Variants in ECE1 observed in about 807,000 individuals in gnomAD.
The protein encoded by ECE1 is endothelin converting enzyme 1.
In ECE1, 35 loss-of-function variants were observed where a neutral mutation model predicts 98.6. The ratio of observed to expected loss-of-function variants is 0.35; its 90% confidence interval spans 0.27 to 0.47. The LOEUF (loss-of-function observed/expected upper bound fraction) is 0.47, where lower values mean the gene tolerates loss of function less well. ECE1 is among the 20% of genes least tolerant of loss of function. The pLI is 1.00. For missense variants in ECE1, 814 were observed against 1,025.3 expected (o/e 0.79, Z 2.81); for synonymous variants, 394 against 407.1 (o/e 0.97, Z 0.39).
rs201715054 is a variant in ECE1 at position 21,221,816 on chromosome 1, G to A, written c.2067C>T (p.Asn689=). Residue 689 remains asparagine (N), a synonymous_variant, in exon 18 of 19, where the codon AAC becomes AAT. Transcript: ENST00000374893. ...GGGTGGGGAGCGAGTGCTCAGCCCC[G>A]TTCTTCTTCACCCAGTTCTGGTAAG... ...YRAYQNWVKK[N]GAEHSLPTLG... is the part of the protein sequence containing the mutation. The A allele has an allele frequency of 3.4e-5, 55 of 1,614,080 alleles. No individual in the cohort carries two copies. Among genetic ancestry groups the A allele is most frequent in the Non-Finnish European group, 4.1e-5 (48 of 1,180,038 alleles).
chr1:21,320,949 C>T (rs903319618), intron 1 of ECE1, among the ~76,000 whole-genome samples: 1 of 152,220 alleles, frequency 6.6e-6, no homozygotes, highest in Non-Finnish European at 1.5e-5. Context: ...GATCCTGCTG[C>T]TGCAGAACCT....
rs2103408864 is a variant in ECE1 at position 21,327,554 on chromosome 1, C to G, written c.3+17822G>C. Among the ~76,000 whole-genome samples the G allele has an allele frequency of 6.6e-6, 1 of 152,338 alleles. No individual in the cohort carries two copies. The highest frequency in any genetic ancestry group is 2.1e-4 in the South Asian group (1 of 4,830). The stretch of plus-strand genomic sequence containing the variant: ...GACACCCCTTCGAGAACCGGGAGAC[C>G]TCCACCCTGCTTGTTACACATTTTT... On this transcript the variant is annotated intron_variant, in intron 1 of 18. Coordinates refer to the ECE1 transcript ENST00000415912. This position sits in a 1 kb window ranked among gnomAD's most constrained non-coding sequence, Gnocchi z 4.6.
chr1:21,305,779 G>A (rs1165507086), intron 1 of ECE1, among the ~76,000 whole-genome samples: 4 of 152,296 alleles, frequency 2.6e-5, no homozygotes, highest in East Asian at 3.9e-4. Flanking sequence ...AAAAATCTAC[G>A]TTCGCCCCCA....
At chr1:21,298,740 T>C in intron 1 of ECE1, 1 of 456,272 alleles carries the variant, frequency 2.2e-6, no homozygotes, top group Non-Finnish European at 4.4e-6. Context: ...CAGCAAAGCC[T>C]GGATTTGAAC....
upstream of ECE1, among the ~76,000 whole-genome samples, chr1:21,295,157 T>G (rs1351632961): frequency 6.6e-6 from 1 of 152,196 alleles, no homozygotes; most frequent in Non-Finnish European, 1.5e-5. Flanking sequence ...ATGAGGAGGA[T>G]GATGATAACA....
In ECE1 at chr1:21,319,844, G is replaced by A. The variant is rs1169988862; in HGVS notation, c.3+25532C>T. Among the ~76,000 whole-genome samples, 1 of 152,112 alleles carries A rather than the reference G, an allele frequency of 6.6e-6. No homozygotes were observed. Among genetic ancestry groups the A allele is most frequent in the Non-Finnish European group, 1.5e-5 (1 of 68,018 alleles). ...CACACGCGGTCCCATGGCTTCTAGT[G>A]CCAGCCCCCACACACCACTCGCCAC... On this transcript the variant is annotated intron_variant, in intron 1 of 18. Coordinates refer to the ECE1 transcript ENST00000415912. The surrounding 1 kb of genome is among the most constrained non-coding windows in gnomAD (Gnocchi z 4.4).
chr1:21,322,484 G>A lies in ECE1; in HGVS notation c.3+22892C>T, dbSNP rs1305209269. 6.6e-6 allele frequency among the ~76,000 whole-genome samples: 1 copy of A among 152,222 alleles called. No homozygotes were observed. The highest frequency in any genetic ancestry group is 2.4e-5 in the African/African-American group (1 of 41,458). On this transcript the variant is annotated intron_variant, in intron 1 of 18. Coordinates refer to the ECE1 transcript ENST00000415912. The surrounding 1 kb of genome is among the most constrained non-coding windows in gnomAD (Gnocchi z 4.1). Reference sequence around the variant, plus strand: ...GAGAGCAACCAGCCCTTCTCACCTGGCCAGTGCAAGGCGCAGGCTGAGGCA... The same window carrying A: ...GAGAGCAACCAGCCCTTCTCACCTGACCAGTGCAAGGCGCAGGCTGAGGCA...
rs1335506451 is a variant in ECE1 at position 21,225,143 on chromosome 1, G to T, written c.2040+107C>A. On this transcript the variant is annotated intron_variant, in intron 17 of 18. Transcript: ENST00000374893. The surrounding 1 kb of genome is among the most constrained non-coding windows in gnomAD (Gnocchi z 5.3). The stretch of plus-strand genomic sequence containing the variant: ...TTCGCAGAAGAGGAAACGGAAGCTC[G>T]CACGGCTGCTGCGCCTGCCCTGGTT... The T allele has an allele frequency of 3.5e-6, 5 of 1,444,028 alleles. No homozygotes were observed. Among genetic ancestry groups the T allele is most frequent in the Admixed American group, 3.7e-5 (2 of 54,072 alleles). The allele number at this position is 1,444,028 out of a possible 1,614,324, so 89.5% of individuals were successfully genotyped here.
chr1:21,270,543 T>C (rs2098239084), intron 4 of ECE1, among the ~76,000 whole-genome samples: 1 of 152,226 alleles, frequency 6.6e-6, no homozygotes, highest in Non-Finnish European at 1.5e-5. Context: ...TTTCCTCATC[T>C]ACCAACAGAG....
intron 1 of ECE1, among the ~76,000 whole-genome samples, chr1:21,301,216 C>T (rs1384899066): frequency 2.0e-5 from 3 of 152,130 alleles, no homozygotes; most frequent in Non-Finnish European, 2.9e-5. Flanking sequence ...ATTCATGGGC[C>T]GGGCGCGGTG....
At chr1:21,334,335 A>G (rs1398955339) in intron 1 of ECE1, among the ~76,000 whole-genome samples, 1 of 152,206 alleles carries the variant, frequency 6.6e-6, no homozygotes, top group Non-Finnish European at 1.5e-5. Flanking sequence ...GCCCAACAGG[A>G]TGCCGAGTAA....
Position 21,260,532 on chromosome 1 carries a change from A to C in ECE1, c.494-140T>G. On this transcript the variant is annotated intron_variant, in intron 4 of 18. Coordinates refer to ENST00000374893, the MANE Select transcript of ECE1 (RefSeq NM_001397.3). The surrounding 1 kb of genome is among the most constrained non-coding windows in gnomAD (Gnocchi z 4.3). ...TCTGCCTGTCGGAGTGGCAGTGAGGAATGCCGTCACCGTGAGTATGTGAGG... is the reference window on the plus strand; with the variant it reads ...TCTGCCTGTCGGAGTGGCAGTGAGGCATGCCGTCACCGTGAGTATGTGAGG... The C allele has an allele frequency of 8.7e-7, 1 of 1,152,552 alleles. No homozygotes were observed. Among genetic ancestry groups the C allele is most frequent in the Non-Finnish European group, 1.3e-6 (1 of 777,218 alleles). The allele number at this position is 1,152,552 out of a possible 1,614,324, so 71.4% of individuals were successfully genotyped here.
intron 1 of ECE1, among the ~76,000 whole-genome samples, chr1:21,309,842 A>G (rs1638679270): frequency 7.2e-6 from 1 of 139,482 alleles, no homozygotes; most frequent in Admixed American, 7.7e-5. Flanking sequence ...CCCAGGCTAG[A>G]GTGTAGTGGC....
rs975904403 is a variant in ECE1 at position 21,322,389 on chromosome 1, G to A, written c.3+22987C>T. On this transcript the variant is annotated intron_variant, in intron 1 of 18. Transcript: ENST00000415912. This position sits in a 1 kb window ranked among gnomAD's most constrained non-coding sequence, Gnocchi z 4.1. ...CTTGTGGAGGACTTGGTAGCCCTTA[G>A]CCCAGCAGACGCCCAGGCAGCCTGG... is the stretch of plus-strand genomic sequence containing the variant. Among the ~76,000 whole-genome samples the A allele has an allele frequency of 2.0e-5, 3 of 152,200 alleles. No individual in the cohort carries two copies. Among genetic ancestry groups the A allele is most frequent in the African/African-American group, 4.8e-5 (2 of 41,450 alleles).
chr1:21,295,152 G>A (rs896082646), upstream of ECE1, among the ~76,000 whole-genome samples: 1 of 152,186 alleles, frequency 6.6e-6, no homozygotes, highest in Non-Finnish European at 1.5e-5. Flanking sequence ...GTCAAATGAG[G>A]AGGATGATGA....
chr1:21,242,800 G>A (rs2098198169), intron 10 of ECE1, among the ~76,000 whole-genome samples: 1 of 152,154 alleles, frequency 6.6e-6, no homozygotes, highest in Non-Finnish European at 1.5e-5. Context: ...AAAAAGTGAT[G>A]GGGTCTTGCT....
chr1:21,252,090 C>T (rs113136985), intron 8 of ECE1, among the ~76,000 whole-genome samples: 3 of 152,266 alleles, frequency 2.0e-5, no homozygotes, highest in African/African-American at 7.2e-5. Flanking sequence ...ACACAGTGGA[C>T]GAGAGCTCCA....
chr1:21,260,042 C>T lies in ECE1; in HGVS notation c.615+229G>A, dbSNP rs1279015684. 6.6e-6 allele frequency among the ~76,000 whole-genome samples: 1 copy of T among 152,252 alleles called. No individual in the cohort carries two copies. The highest frequency in any genetic ancestry group is 2.4e-5 in the African/African-American group (1 of 41,462). ...CAGACATCTACAACAGATGCTGACACACACTCTCACACAAACACATGCACA... is the reference window on the plus strand; with the variant it reads ...CAGACATCTACAACAGATGCTGACATACACTCTCACACAAACACATGCACA... On this transcript the variant is annotated intron_variant, in intron 5 of 18. Transcript: ENST00000374893. The surrounding 1 kb of genome is among the most constrained non-coding windows in gnomAD (Gnocchi z 4.3).
At chr1:21,296,588 T>A (rs948163696) in intron 1 of ECE1, among the ~76,000 whole-genome samples, 1 of 152,170 alleles carries the variant, frequency 6.6e-6, no homozygotes, top group African/African-American at 2.4e-5. Context: ...ACCTTGACAT[T>A]GCCCAGTTCT....
Sources: allele counts gnomAD v4.1 joint callset (sites outside exome capture counted in the v4.1 genomes callset), GRCh38; gene constraint gnomAD v4.1.1; non-coding constraint Gnocchi (gnomAD v3.1); transcripts MANE v1.5; gene names NCBI Gene and HGNC (gene_info 2026-07-23, HGNC 2026-07-21).